CFAP61: variants seen among roughly 807,000 people sequenced by gnomAD.
CFAP61 encodes cilia- and flagella-associated protein 61.
Under a neutral mutation model 135.6 loss-of-function variants are expected in CFAP61, and 107 were observed. The ratio of observed to expected loss-of-function variants is 0.79; its 90% CI spans 0.67 to 0.93. The LOEUF is 0.93. Ranked by LOEUF, CFAP61 falls within the 40% of genes least tolerant of loss-of-function variation. The pLI, the probability that CFAP61 is intolerant of heterozygous loss-of-function variation, is 0.00. For synonymous variants in CFAP61, 575 were observed against 578.5 expected, an observed-to-expected ratio of 0.99 and a Z score of 0.09; for missense variants, 1,507 against 1,556.2, an observed-to-expected ratio of 0.97 and a Z score of 0.53.
At chr20:20,117,165 G>A (rs2049206868) in intron 8 of CFAP61, among the ~76,000 whole-genome samples, 1 of 152,026 alleles carries the variant, frequency 6.6e-6, no homozygotes, top group Admixed American at 6.6e-5. Flanking sequence ...AGACCAGCCT[G>A]GTGAACATGG....
chr20:20,156,882 C>T (rs1055352418), intron 9 of CFAP61, among the ~76,000 whole-genome samples: 6 of 152,090 alleles, frequency 3.9e-5, no homozygotes, highest in Admixed American at 6.5e-5. Context: ...ATTCTATGTT[C>T]GTGGGATATT....
chr20:20,353,017 A>G (rs2058900347), intron 26 of CFAP61, among the ~76,000 whole-genome samples: 1 of 152,250 alleles, frequency 6.6e-6, no homozygotes, highest in Admixed American at 6.5e-5. Context: ...TCACTAACTA[A>G]CAGGAAACAA....
At chr20:20,262,883 CT>C (rs144717739) in intron 20 of CFAP61, 72 bp from the exon 21 acceptor site, 46,255 of 694,134 alleles carry the variant, frequency 0.067, 1 homozygote, top group East Asian at 0.087. Flanking sequence ...GCTATGTCTA[CT>C]TTTTTTTTTT....
intron 25 of CFAP61, among the ~76,000 whole-genome samples, chr20:20,298,967 T>C (rs1188336729): frequency 6.6e-6 from 1 of 152,168 alleles, no homozygotes; most frequent in Non-Finnish European, 1.5e-5. Context: ...AATTTCCAAG[T>C]GGAAAGTTAC....
At chr20:20,093,437 T>C (rs1271927830) in intron 7 of CFAP61, among the ~76,000 whole-genome samples, 1 of 146,368 alleles carries the variant, frequency 6.8e-6, no homozygotes, top group Non-Finnish European at 1.5e-5. Context: ...TGTATTTCTT[T>C]TTTTTTTTTT....
At position 20,243,272 on chromosome 20, in the gene CFAP61, C is replaced by A. The variant is rs181162888; in HGVS notation, c.2061-2845C>A. ...ACCTGCTCCCATGATTCAATTACCT[C>A]CCAACAGGTCCCTCCCACAACACAT... On this transcript the variant is annotated intron_variant, in intron 18 of 26. Coordinates refer to ENST00000245957, the MANE Select transcript of CFAP61 (RefSeq NM_015585.4). 3.9e-5 allele frequency among the ~76,000 whole-genome samples: 6 copies of A among 152,196 alleles called. No homozygotes were observed. In the East Asian group the frequency reaches 1.2e-3, roughly 29 times the overall value.
intron 12 of CFAP61, among the ~76,000 whole-genome samples, chr20:20,168,189 A>C (rs371211764): frequency 2.0e-5 from 3 of 152,004 alleles, no homozygotes; most frequent in Non-Finnish European, 4.4e-5. Context: ...TTCCTGCCTC[A>C]GCCTCCCAAA....
chr20:20,054,210 G>A (rs1477908942), intron 1 of CFAP61, among the ~76,000 whole-genome samples: 3 of 151,508 alleles, frequency 2.0e-5, no homozygotes, highest in African/African-American at 7.3e-5. Flanking sequence ...AATTCTTTCA[G>A]TCTTTGTATG....
chr20:20,263,192 AT>A (rs2052412553), intron 21 of CFAP61, 62 bp downstream of exon 21: 2 of 1,232,788 alleles, frequency 1.6e-6, no homozygotes, highest in Non-Finnish European at 2.3e-6. Flanking sequence ...AATGAGTCTC[AT>A]TCTTCATCTA....
intron 26 of CFAP61, among the ~76,000 whole-genome samples, chr20:20,354,263 A>C (rs1033230348): frequency 1.6e-4 from 24 of 152,292 alleles, no homozygotes; most frequent in African/African-American, 5.8e-4. Context: ...GCACTTTGGG[A>C]GGCTGAGGCA....
rs945441061 is a variant in CFAP61, at chr20:20,211,571, C to A, written c.1932+11669C>A. On this transcript the variant is annotated intron_variant, in intron 17 of 26. Transcript: ENST00000245957. ...ATGGGAGCCATAAAGATTTTTTTTA[C>A]TGCCACTTTGAGATATCAAACATGA... 2.0e-5 allele frequency among the ~76,000 whole-genome samples: 3 copies of A among 152,130 alleles called. No homozygotes were observed. The East Asian group carries it at 5.8e-4, about 29-fold the overall frequency.
intron 6 of CFAP61, chr20:20,085,657 A>G (rs2046751753): frequency 1.2e-5 from 6 of 509,168 alleles, no homozygotes; most frequent in African/African-American, 2.0e-5. Flanking sequence ...TTCTGTGTCC[A>G]TCGTATATTT....
intron 25 of CFAP61, among the ~76,000 whole-genome samples, chr20:20,313,329 C>A (rs2056935608): frequency 1.3e-5 from 2 of 152,228 alleles, no homozygotes; most frequent in African/African-American, 2.4e-5. Flanking sequence ...GTGAGAAATA[C>A]ATTTCTGTTG....
At chr20:20,138,282 C>T (rs1343069324) in intron 8 of CFAP61, among the ~76,000 whole-genome samples, 2 of 152,216 alleles carry the variant, frequency 1.3e-5, no homozygotes, top group African/African-American at 4.8e-5. Flanking sequence ...TACTAGCTCG[C>T]ATGTCCCCTA....
intron 22 of CFAP61, 57 bp downstream of exon 22, chr20:20,277,515 G>A (rs2053863107): frequency 2.0e-6 from 3 of 1,503,930 alleles, no homozygotes; most frequent in Non-Finnish European, 2.7e-6. Flanking sequence ...CATCTCCAAG[G>A]GATTTGGGGG....
intron 25 of CFAP61, among the ~76,000 whole-genome samples, chr20:20,308,387 A>G (rs1036436528): frequency 3.4e-5 from 5 of 148,614 alleles, no homozygotes; most frequent in African/African-American, 7.4e-5. Flanking sequence ...GGTGGGGTCA[A>G]TTAGAAAACA....
chr20:20,112,064 A>G (rs2048836878), intron 8 of CFAP61, among the ~76,000 whole-genome samples: 1 of 152,318 alleles, frequency 6.6e-6, no homozygotes, highest in South Asian at 2.1e-4. Flanking sequence ...AGCTTCTAGA[A>G]AAACTTCAGA....
chr20:20,068,718 T>G (rs2045494188), intron 2 of CFAP61, among the ~76,000 whole-genome samples: 1 of 152,226 alleles, frequency 6.6e-6, no homozygotes, highest in Non-Finnish European at 1.5e-5. Context: ...AAATTTTTTG[T>G]TTTAAATGTT....
intron 22 of CFAP61, among the ~76,000 whole-genome samples, chr20:20,280,872 T>G (rs1453937320): frequency 6.6e-6 from 1 of 152,240 alleles, no homozygotes; most frequent in Admixed American, 6.5e-5. Context: ...CACGTTCTTG[T>G]CAGCACTTGG....
Sources: allele counts gnomAD v4.1 joint callset (sites outside exome capture counted in the v4.1 genomes callset), GRCh38; gene constraint gnomAD v4.1.1; transcripts MANE v1.5; gene names NCBI Gene and HGNC (gene_info 2026-07-23, HGNC 2026-07-21).